Variants in SIL1 observed in about 807,000 individuals in gnomAD.
The protein encoded by SIL1 is nucleotide exchange factor SIL1.
SIL1 carries 40 observed loss-of-function variants against 49.1 expected under a neutral mutation model. The observed-to-expected ratio is 0.81, with a 90% CI of 0.63 to 1.06. The LOEUF is 1.06. Ranked by LOEUF, SIL1 falls within the 50% of genes least tolerant of loss-of-function variation. The pLI, the probability that SIL1 is intolerant of heterozygous loss-of-function variation, is 0.00. For synonymous variants in SIL1, 253 were observed against 250.8 expected (o/e 1.01, Z -0.08); for missense variants, 500 against 572.6 (o/e 0.87, Z 1.29).
intron 1 of SIL1, among the ~76,000 whole-genome samples, chr5:139,197,654 C>G (rs1752303804): frequency 6.6e-6 from 1 of 152,156 alleles, no homozygotes. Flanking sequence ...CTCCTGACTT[C>G]TGAAGCAGGG....
intron 1 of SIL1, among the ~76,000 whole-genome samples, chr5:139,170,828 G>T (rs1751743623): frequency 6.7e-6 from 1 of 148,968 alleles, no homozygotes; most frequent in South Asian, 2.1e-4. Context: ...GAGGTGGGGG[G>T]GTCAGCCCCC....
intron 1 of SIL1, among the ~76,000 whole-genome samples, chr5:139,148,440 A>G (rs2151804494): frequency 6.6e-6 from 1 of 152,340 alleles, no homozygotes; most frequent in South Asian, 2.1e-4. Context: ...CTCCTGCCAC[A>G]GTAGGCTCCA....
At chr5:139,021,902 C>T (rs1467913013) in intron 6 of SIL1, 1 of 179,722 alleles carries the variant, frequency 5.6e-6, no homozygotes, top group African/African-American at 2.4e-5. Flanking sequence ...TCTGTCTAAG[C>T]CTGTGCTACT....
At chr5:139,171,555 A>G (rs1424462944) in intron 1 of SIL1, among the ~76,000 whole-genome samples, 1 of 152,046 alleles carries the variant, frequency 6.6e-6, no homozygotes, top group African/African-American at 2.4e-5. Context: ...CCAGGGACAC[A>G]AACACTGCGG....
intron 3 of SIL1, among the ~76,000 whole-genome samples, chr5:139,089,501 T>C (rs1770294894): frequency 6.6e-6 from 1 of 151,398 alleles, no homozygotes; most frequent in East Asian, 1.9e-4. Flanking sequence ...CTAGAGTCTC[T>C]CATCAGCATT....
chr5:139,050,117 A>AT (rs34033529), intron 4 of SIL1, among the ~76,000 whole-genome samples: 38,788 of 152,022 alleles, frequency 0.26, 5,972 homozygotes, highest in Middle Eastern at 0.39. Context: ...CTACCTTTTG[A>AT]TTTTTTTCCA....
chr5:139,100,246 G>C (rs1403027887), intron 3 of SIL1, among the ~76,000 whole-genome samples: 1 of 152,148 alleles, frequency 6.6e-6, no homozygotes. Context: ...AAAGAAGAAA[G>C]TCACTTCTGA....
rs577764704 is a variant in SIL1 at position 139,046,259 on chromosome 5, G to A, written c.354-3540C>T. Among the ~76,000 whole-genome samples the A allele has an allele frequency of 1.4e-4, 21 of 152,252 alleles. No individual in the cohort carries two copies. The East Asian group carries it at 2.7e-3, about 20-fold the overall frequency. On this transcript the variant is annotated intron_variant, in intron 4 of 9. Coordinates refer to ENST00000394817, the MANE Select transcript of SIL1 (RefSeq NM_022464.5). ...GGAGAATTGCTTGAAGCCAGGAGGCGGAGGTTGCAGTGAGCTGAGATGGTG... is the reference window on the plus strand; with the variant it reads ...GGAGAATTGCTTGAAGCCAGGAGGCAGAGGTTGCAGTGAGCTGAGATGGTG...
chr5:139,176,112 C>T (rs1378844974), intron 1 of SIL1, among the ~76,000 whole-genome samples: 1 of 152,166 alleles, frequency 6.6e-6, no homozygotes, highest in Non-Finnish European at 1.5e-5. Context: ...CCTCCCACAT[C>T]GGCCTCCCAA....
At chr5:139,181,537 A>C (rs1751983459) in intron 1 of SIL1, among the ~76,000 whole-genome samples, 1 of 152,208 alleles carries the variant, frequency 6.6e-6, no homozygotes. Flanking sequence ...TCTCAAACAA[A>C]TGATTTCCAG....
chr5:139,122,071 T>C (rs1750652159), intron 2 of SIL1, among the ~76,000 whole-genome samples: 2 of 152,098 alleles, frequency 1.3e-5, no homozygotes, highest in South Asian at 4.1e-4. Context: ...GAACCCACAT[T>C]AGCACATGGG....
intron 3 of SIL1, among the ~76,000 whole-genome samples, chr5:139,059,244 C>T (rs759384049): frequency 2.0e-5 from 3 of 152,020 alleles, no homozygotes; most frequent in Admixed American, 6.6e-5. Context: ...CTGTGCTGTT[C>T]CTGTGATGGT....
At chr5:139,187,689 A>T (rs139596642) in intron 1 of SIL1, 1 of 141,504 alleles carries the variant, frequency 7.1e-6, no homozygotes, top group African/African-American at 2.6e-5. Context: ...GGATGGGTAT[A>T]CACTGCAATA....
chr5:139,067,716 G>A (rs1299025423), intron 3 of SIL1, among the ~76,000 whole-genome samples: 2 of 152,190 alleles, frequency 1.3e-5, no homozygotes, highest in Non-Finnish European at 1.5e-5. Context: ...TAATGGCAAG[G>A]CCTTGCAGCA....
intron 7 of SIL1, among the ~76,000 whole-genome samples, chr5:138,955,749 A>G (rs1766888403): frequency 6.6e-6 from 1 of 152,254 alleles, no homozygotes; most frequent in African/African-American, 2.4e-5. Flanking sequence ...CAGAAATTTC[A>G]AGACAGTGAG....
At chr5:139,196,247 C>T (rs1299725229) in intron 1 of SIL1, among the ~76,000 whole-genome samples, 2 of 152,050 alleles carry the variant, frequency 1.3e-5, no homozygotes, top group East Asian at 1.9e-4. Flanking sequence ...ACTGATCTCT[C>T]GCATGGTTCA....
At chr5:138,991,168 G>T (rs754400243) in intron 7 of SIL1, among the ~76,000 whole-genome samples, 3 of 152,220 alleles carry the variant, frequency 2.0e-5, no homozygotes, top group Admixed American at 6.5e-5. Context: ...GTTTTCTGGC[G>T]TGTTGGCCAG....
intron 1 of SIL1, among the ~76,000 whole-genome samples, chr5:139,182,995 T>C (rs915911987): frequency 3.3e-5 from 5 of 152,214 alleles, no homozygotes; most frequent in African/African-American, 1.2e-4. Context: ...TCATGTTTAT[T>C]GGAGTTAGTT....
intron 2 of SIL1, among the ~76,000 whole-genome samples, chr5:139,121,735 G>A (rs947051471): frequency 1.3e-5 from 2 of 152,138 alleles, no homozygotes; most frequent in African/African-American, 2.4e-5. Flanking sequence ...GCAAACCATG[G>A]AGGAAGCGTG....
Sources: allele counts gnomAD v4.1 joint callset (sites outside exome capture counted in the v4.1 genomes callset), GRCh38; gene constraint gnomAD v4.1.1; transcripts MANE v1.5; gene names NCBI Gene and HGNC (gene_info 2026-07-23, HGNC 2026-07-21).